NSMCE2: variants seen among roughly 807,000 people sequenced by gnomAD.
The protein encoded by NSMCE2 is NSE2 SUMO ligase component of SMC5/6 complex, also known as E3 SUMO-protein ligase NSE2.
A neutral mutation model predicts 23.8 loss-of-function variants in NSMCE2; 24 were observed. The observed-to-expected ratio is 1.01, with a 90% CI of 0.73 to 1.42. NSMCE2 has a LOEUF of 1.42. NSMCE2 is among the 40% of genes most tolerant of loss of function. The probability of loss-of-function intolerance (pLI) is 0.00; values close to 1 mark genes in which losing one functional copy is unlikely to be tolerated. For missense variants in NSMCE2, 284 were observed against 296.5 expected (o/e 0.96, Z 0.31); for synonymous variants, 92 against 94.1 (o/e 0.98, Z 0.13).
chr8:125,351,859 C>A (rs1446666962), intron 5 of NSMCE2, among the ~76,000 whole-genome samples: 1 of 151,822 alleles, frequency 6.6e-6, no homozygotes, highest in African/African-American at 2.4e-5. Context: ...TAAAAATACA[C>A]AAAATTAACC....
rs1179557861 is a variant in NSMCE2, at chr8:125,130,098, C to CT, written c.158-21063dup. The CT allele has an allele frequency of 8.3e-3, 2,588 of 311,124 alleles. 1 individual carries two copies. Among genetic ancestry groups the CT allele is most frequent in the South Asian group, 0.014 (539 of 37,350 alleles). The allele number at this position is 311,124 out of a possible 1,614,324, so 19.3% of individuals were successfully genotyped here. A position where few individuals can be genotyped will look rare whatever the true frequency, so the allele number is the denominator to read the frequency against. On this transcript the variant is annotated intron_variant, in intron 3 of 7. Coordinates refer to ENST00000287437, the MANE Select transcript of NSMCE2 (RefSeq NM_173685.4). ...CGTAGACGCTTCTTAGTTGGTTTCG[C>CT]TTTTTTTTTTCTTGTAATCCTGACA...
rs199554216 is a variant in NSMCE2, at chr8:125,249,929, TTAAAAA to T, written c.418+67680_418+67685del. 4.8e-3 allele frequency among the ~76,000 whole-genome samples: 728 copies of T among 152,324 alleles called. 10 individuals are homozygous for T. Among genetic ancestry groups the T allele is most frequent in the African/African-American group, 0.017 (699 of 41,564 alleles). On this transcript the variant is annotated intron_variant, in intron 5 of 7. Coordinates refer to ENST00000287437, the MANE Select transcript of NSMCE2 (RefSeq NM_173685.4). ...AATTACCAGCTGCTATTGGGAGGAA[TTAAAAA>T]TAAAAAAGGAAAAAACATTGGGAAA...
chr8:125,346,445 A>G (rs963613843), intron 5 of NSMCE2, among the ~76,000 whole-genome samples: 2 of 152,200 alleles, frequency 1.3e-5, no homozygotes, highest in African/African-American at 4.8e-5. Flanking sequence ...TAAGAAGATG[A>G]GTGCAAAGGG....
intron 3 of NSMCE2, among the ~76,000 whole-genome samples, chr8:125,104,740 A>G (rs761053138): frequency 1.3e-5 from 2 of 152,102 alleles, no homozygotes; most frequent in African/African-American, 2.4e-5. Context: ...TCAATCCTTC[A>G]AGACTGCTGT....
chr8:125,295,519 A>G lies in NSMCE2; in HGVS notation c.419-61700A>G, dbSNP rs1828286833. Among the ~76,000 whole-genome samples the G allele has an allele frequency of 2.6e-5, 4 of 152,204 alleles. No individual in the cohort carries two copies. The South Asian group carries it at 8.3e-4, about 31-fold the overall frequency. On this transcript the variant is annotated intron_variant, in intron 5 of 7. Transcript: ENST00000287437. ...TCCTTTCTGACCCCCTGAGAGAATA[A>G]CACACAGGTCGGAATTCTCTTCATT...
chr8:125,182,260 A>G lies in NSMCE2; in HGVS notation c.418+4A>G, dbSNP rs1452386817. 4 of 1,598,250 alleles carry G rather than the reference A, an allele frequency of 2.5e-6. No homozygotes were observed. The African/African-American group carries it at 4.1e-5, about 16-fold the overall frequency. On this transcript the variant is annotated splice_donor_region_variant and intron_variant, in intron 5 of 7. Coordinates refer to ENST00000287437, the MANE Select transcript of NSMCE2 (RefSeq NM_173685.4). ...CTGAAAGAACTAAAGAAGCAATGTA[A>G]GTCAACATGCTTTGCTTTGGTTCGG...
chr8:125,113,717 C>A lies in NSMCE2; in HGVS notation c.157+11230C>A, dbSNP rs564266248. On this transcript the variant is annotated intron_variant, in intron 3 of 7. Coordinates refer to ENST00000287437, the MANE Select transcript of NSMCE2 (RefSeq NM_173685.4). ...TTCATAATTCATTTCCCCCGTCATC[C>A]TCTCCTTTCTCATCAGCAGGATCCA... Among the ~76,000 whole-genome samples the A allele has an allele frequency of 3.1e-3, 468 of 152,274 alleles. 3 individuals carry two copies. The highest frequency in any genetic ancestry group is 0.011 in the African/African-American group (450 of 41,554).
chr8:125,115,801 T>A (rs1192383450), intron 3 of NSMCE2, among the ~76,000 whole-genome samples: 10 of 152,242 alleles, frequency 6.6e-5, no homozygotes, highest in African/African-American at 2.4e-4. Context: ...ACCTGGGAGA[T>A]GCTTGCTGAT....
chr8:125,353,167 T>C (rs1327630941), intron 5 of NSMCE2, among the ~76,000 whole-genome samples: 1 of 151,760 alleles, frequency 6.6e-6, no homozygotes, highest in Non-Finnish European at 1.5e-5. Flanking sequence ...TCAGCTGAAC[T>C]CTGTTATTCA....
At chr8:125,294,729 G>A (rs1221776592) in intron 5 of NSMCE2, among the ~76,000 whole-genome samples, 1 of 152,142 alleles carries the variant, frequency 6.6e-6, no homozygotes, top group Non-Finnish European at 1.5e-5. Context: ...AAAGTAAAAT[G>A]ACATGGAGTT....
At chr8:125,208,766 A>AT (rs1490143504) in intron 5 of NSMCE2, among the ~76,000 whole-genome samples, 1 of 152,228 alleles carries the variant, frequency 6.6e-6, no homozygotes, top group Non-Finnish European at 1.5e-5. Context: ...TAGAATTTGA[A>AT]TAAGTGGAGA....
At chr8:125,260,791 A>G (rs1826659805) in intron 5 of NSMCE2, among the ~76,000 whole-genome samples, 1 of 151,208 alleles carries the variant, frequency 6.6e-6, no homozygotes, top group Non-Finnish European at 1.5e-5. Flanking sequence ...CACCCAGCTA[A>G]TTTTGTATTT....
At chr8:125,200,650 T>G (rs186376541) in intron 5 of NSMCE2, among the ~76,000 whole-genome samples, 7 of 152,300 alleles carry the variant, frequency 4.6e-5, no homozygotes, top group African/African-American at 1.7e-4. Flanking sequence ...CAATTATGTG[T>G]CTTGGGGTTG....
intron 5 of NSMCE2, among the ~76,000 whole-genome samples, chr8:125,248,342 A>G (rs1050635258): frequency 6.6e-6 from 1 of 152,220 alleles, no homozygotes; most frequent in Non-Finnish European, 1.5e-5. Flanking sequence ...AAAGCATAAC[A>G]TGGTTGCAAG....
chr8:125,283,874 C>T (rs1351948272), intron 5 of NSMCE2, among the ~76,000 whole-genome samples: 7 of 152,142 alleles, frequency 4.6e-5, no homozygotes, highest in Admixed American at 2.6e-4. Flanking sequence ...CTCAAGTAGG[C>T]CGGGCGCAGT....
intron 5 of NSMCE2, among the ~76,000 whole-genome samples, chr8:125,234,214 T>A (rs958962572): frequency 1.3e-5 from 2 of 151,980 alleles, no homozygotes; most frequent in Non-Finnish European, 2.9e-5. Context: ...TCTCTGGCCT[T>A]TATCTTTTCC....
Position 125,159,825 on chromosome 8 carries a change from TG to T in NSMCE2, c.264+8550del, listed in dbSNP as rs1458529466. 2.6e-5 allele frequency among the ~76,000 whole-genome samples: 4 copies of T among 152,116 alleles called. No homozygotes were observed. In the East Asian group the frequency reaches 5.8e-4, roughly 22 times the overall value. On this transcript the variant is annotated intron_variant, in intron 4 of 7. Coordinates refer to ENST00000287437, the MANE Select transcript of NSMCE2 (RefSeq NM_173685.4). Reference sequence around the variant, plus strand: ...AAATACAAAAATCGGCTGGGTGTGGTGGCATATGCCCGTAGTCCCAGATACT... The same window carrying T: ...AAATACAAAAATCGGCTGGGTGTGGTGCATATGCCCGTAGTCCCAGATACT...
chr8:125,151,081 C>T, intron 3 of NSMCE2, 90 bp from the exon 4 acceptor site: 4 of 544,878 alleles, frequency 7.3e-6, no homozygotes, highest in South Asian at 3.3e-5. Flanking sequence ...TTATTTAGAC[C>T]ATTGACTGAT....
intron 5 of NSMCE2, among the ~76,000 whole-genome samples, chr8:125,207,349 A>G (rs924495858): frequency 2.2e-4 from 33 of 152,222 alleles, no homozygotes; most frequent in African/African-American, 7.0e-4. Flanking sequence ...ATAAAGTGAT[A>G]TAAATGAGGT....
Sources: gnomAD v4.1 joint callset for allele counts (sites outside exome capture counted in the v4.1 genomes callset) on GRCh38, gnomAD v4.1.1 for gene constraint, MANE v1.5 for transcripts, NCBI Gene and HGNC (gene_info 2026-07-23, HGNC 2026-07-21) for gene names.